The following ETNK2 variants were observed in gnomAD, a reference collection of about 807,000 sequenced individuals.
The protein encoded by ETNK2 is ethanolamine kinase-like protein.
A neutral mutation model predicts 46.2 loss-of-function variants in ETNK2; 33 were observed. That is an observed-to-expected ratio of 0.71 (90% CI 0.54 to 0.96). ETNK2 has a LOEUF of 0.96. Ranked by LOEUF, ETNK2 falls within the 40% of genes least tolerant of loss-of-function variation. The pLI, the probability that ETNK2 is intolerant of heterozygous loss-of-function variation, is 0.00. For missense variants in ETNK2, 445 were observed against 509.7 expected (o/e 0.87, Z 1.22); for synonymous variants, 194 against 209.0 (o/e 0.93, Z 0.62).
At position 204,140,237 on chromosome 1, in the gene ETNK2, C is replaced by A. The variant is rs1321025540; in HGVS notation, c.785-119G>T. The A allele has an allele frequency of 8.3e-6, 6 of 725,284 alleles. No individual in the cohort carries two copies. The South Asian group carries it at 9.2e-5, about 11-fold the overall frequency. The allele number at this position is 725,284 out of a possible 1,614,324, so 44.9% of individuals were successfully genotyped here. On this transcript the variant is annotated intron_variant, in intron 4 of 7. Transcript: ENST00000367202. Reference sequence around the variant, plus strand: ...GAGTGATGCCGGCCTCTGCAGCAACCCTGCCCAATCCCATCACTGCAGCAG... The same window carrying A: ...GAGTGATGCCGGCCTCTGCAGCAACACTGCCCAATCCCATCACTGCAGCAG...
intron 1 of ETNK2, among the ~76,000 whole-genome samples, chr1:204,150,730 C>A (rs533303470): frequency 6.6e-6 from 1 of 152,290 alleles, no homozygotes; most frequent in East Asian, 1.9e-4. Flanking sequence ...GATGCCTTGA[C>A]AGTCTTATAC....
At chr1:204,140,999 T>A (rs1165264949) in intron 4 of ETNK2, 5 of 384,992 alleles carry the variant, frequency 1.3e-5, no homozygotes, top group Non-Finnish European at 2.0e-5. Flanking sequence ...GTTTTGTGTA[T>A]TTTTTTTGTA....
chr1:204,139,394 G>T (rs1657411193), intron 5 of ETNK2, among the ~76,000 whole-genome samples: 1 of 152,204 alleles, frequency 6.6e-6, no homozygotes. Context: ...GGAGGAAGGG[G>T]TCTTTTTCTA....
intron 2 of ETNK2, 157 bp from the exon 3 acceptor site, chr1:204,146,921 T>C (rs777728553): frequency 3.5e-5 from 31 of 877,136 alleles, no homozygotes; most frequent in Non-Finnish European, 5.3e-5. Flanking sequence ...GCACAGGTCC[T>C]GCAGAAGGAA....
At chr1:204,137,848 C>A (rs1657349991) in intron 5 of ETNK2, among the ~76,000 whole-genome samples, 1 of 152,124 alleles carries the variant, frequency 6.6e-6, no homozygotes, top group Non-Finnish European at 1.5e-5. Context: ...GCTGGGAACC[C>A]ATGGATCAGA....
intron 4 of ETNK2, 144 bp from the exon 5 acceptor site, chr1:204,140,262 G>T (rs1657451364): frequency 3.1e-6 from 2 of 636,772 alleles, no homozygotes; most frequent in South Asian, 1.8e-5. Context: ...CACTGCAGCA[G>T]TCTTCCAAGC....
At chr1:204,145,198 T>C (rs1657733802) in intron 3 of ETNK2, among the ~76,000 whole-genome samples, 1 of 152,166 alleles carries the variant, frequency 6.6e-6, no homozygotes, top group Non-Finnish European at 1.5e-5. Flanking sequence ...GCAACTTGGT[T>C]TGTCCAAGGT....
Position 204,151,210 on chromosome 1 carries a change from C to CGG in ETNK2, c.258+383_258+384dup. On this transcript the variant is annotated intron_variant, in intron 1 of 7. Coordinates refer to ENST00000367202, the MANE Select transcript of ETNK2 (RefSeq NM_018208.4). This position sits in a 1 kb window ranked among gnomAD's most constrained non-coding sequence, Gnocchi z 8.0. The stretch of plus-strand genomic sequence containing the variant: ...GCAATGTATGCATGTATGGCTGGGT[C>CGG]GGGGGGGCGGGGGGTCTCTTAAAAG... 4.2e-6 allele frequency: 1 copy of CGG among 240,538 alleles called. No individual in the cohort carries two copies. The highest frequency in any genetic ancestry group is 7.0e-6 in the Non-Finnish European group (1 of 143,776). 14.9% of individuals were successfully genotyped at this position (240,538 alleles called of 1,614,324 possible).
intron 6 of ETNK2, 178 bp from the exon 7 acceptor site, chr1:204,134,766 T>G: frequency 7.0e-7 from 1 of 1,418,666 alleles, no homozygotes; most frequent in Non-Finnish European, 9.7e-7. Context: ...CTGCACAGCA[T>G]TTGGCGCCTC....
intron 3 of ETNK2, chr1:204,143,010 C>T (rs4951308): frequency 0.88 from 133,014 of 151,886 alleles, 58,302 homozygotes; most frequent in East Asian, 0.92. Flanking sequence ...CCAAATCGAA[C>T]GGAGTCTCCT....
chr1:204,146,620 G>A (rs1302990985), intron 3 of ETNK2, 22 bp downstream of exon 3: 3 of 1,613,546 alleles, frequency 1.9e-6, no homozygotes, highest in African/African-American at 2.7e-5. Flanking sequence ...AGGCAGCCTT[G>A]GACCCTCCCA....
chr1:204,134,781 C>A lies in ETNK2; in HGVS notation c.1015-193G>T, dbSNP rs1007490622. On this transcript the variant is annotated intron_variant, in intron 6 of 7. Coordinates refer to ENST00000367202, the MANE Select transcript of ETNK2 (RefSeq NM_018208.4). Reference sequence around the variant, plus strand: ...CTGCACAGCATTTGGCGCCTCCACTCCTGCTAGAGAAAGGTGGGCAGAGCT... The same window carrying A: ...CTGCACAGCATTTGGCGCCTCCACTACTGCTAGAGAAAGGTGGGCAGAGCT... 9.9e-5 allele frequency: 127 copies of A among 1,285,264 alleles called. No homozygotes were observed. In the East Asian group the frequency reaches 2.9e-3, roughly 29 times the overall value. The allele number at this position is 1,285,264 out of a possible 1,614,324, so 79.6% of individuals were successfully genotyped here.
rs183531867 is a variant in ETNK2, at chr1:204,149,482, T to C, written c.518+221A>G. 2.9e-4 allele frequency among the ~76,000 whole-genome samples: 44 copies of C among 152,334 alleles called. 1 individual carries two copies. In the East Asian group the frequency reaches 8.3e-3, roughly 29 times the overall value. On this transcript the variant is annotated intron_variant, in intron 2 of 7. Coordinates refer to ENST00000367202, the MANE Select transcript of ETNK2 (RefSeq NM_018208.4). ...GGGAACCAGGTCCTCTGCTCCCATG[T>C]TCATCACAATTCTTCCTTTCCTCCC...
At position 204,141,412 on chromosome 1, in the gene ETNK2, C is replaced by T. The variant is rs1342232867; in HGVS notation, c.687G>A (p.Leu229=). 4.3e-6 allele frequency: 7 copies of T among 1,611,948 alleles called. No homozygotes were observed. The East Asian group carries it at 1.6e-4, about 36-fold the overall frequency. Residue 229 remains leucine (L), a synonymous_variant, in exon 4 of 8, where the codon CTG becomes CTA. Transcript: ENST00000367202. ...VPKVEVLERE[L]AWLKEHLSQL... ...GGGACAGATGCTCCTTCAGCCAGGC[C>T]AGCTCCCGTTCCAACACCTCTACCT...
At position 204,151,658 on chromosome 1, in the gene ETNK2, G is replaced by A. The variant is rs1658009034; in HGVS notation, c.195C>T (p.Pro65=). Residue 65 remains proline (P), a synonymous_variant, in exon 1 of 8, where the codon CCC becomes CCT. Coordinates refer to ENST00000367202, the MANE Select transcript of ETNK2 (RefSeq NM_018208.4). This position sits in a 1 kb window ranked among gnomAD's most constrained non-coding sequence, Gnocchi z 8.0. ...GCTCCTGGATGAGGCGCAGGGCCCC[G>A]GGAAGGATGTCGTCCGGGTCCACGG... ...GISVDPDDIL[P]GALRLIQELR... is the part of the protein sequence containing the mutation. 3 of 1,549,186 alleles carry A rather than the reference G, an allele frequency of 1.9e-6. No individual in the cohort carries two copies. Among genetic ancestry groups the A allele is most frequent in the African/African-American group, 1.4e-5 (1 of 72,964 alleles).
chr1:204,143,296 C>T (rs1379681429), intron 3 of ETNK2, among the ~76,000 whole-genome samples: 1 of 151,920 alleles, frequency 6.6e-6, no homozygotes, highest in East Asian at 1.9e-4. Context: ...TTGCTCAGGT[C>T]CCGGCCTGAA....
chr1:204,151,295 C>A lies in ETNK2; in HGVS notation c.258+300G>T. 1.9e-6 allele frequency: 1 copy of A among 518,944 alleles called. No individual in the cohort carries two copies. The highest frequency in any genetic ancestry group is 3.8e-5 in the Admixed American group (1 of 26,170). 32.1% of individuals were successfully genotyped at this position (518,944 alleles called of 1,614,324 possible). A position where few individuals can be genotyped will look rare whatever the true frequency, so the allele number is the denominator to read the frequency against. ...ACGCGCTTCTGGTCAGCGAGGGGCACCAGCACGCAGCGACAGGGGGTGCGG... is the reference window on the plus strand; with the variant it reads ...ACGCGCTTCTGGTCAGCGAGGGGCAACAGCACGCAGCGACAGGGGGTGCGG... On this transcript the variant is annotated intron_variant, in intron 1 of 7. Coordinates refer to ENST00000367202, the MANE Select transcript of ETNK2 (RefSeq NM_018208.4). This position sits in a 1 kb window ranked among gnomAD's most constrained non-coding sequence, Gnocchi z 8.0.
intron 2 of ETNK2, 187 bp from the exon 3 acceptor site, chr1:204,146,951 A>G (rs1327399196): frequency 1.7e-5 from 13 of 760,288 alleles, no homozygotes; most frequent in Non-Finnish European, 2.8e-5. Flanking sequence ...AGAAGAGAGG[A>G]GAATGAATTA....
intron 5 of ETNK2, 124 bp downstream of exon 5, chr1:204,139,910 CA>C (rs1479014806): frequency 1.3e-6 from 1 of 747,612 alleles, no homozygotes; most frequent in Non-Finnish European, 2.3e-6. Context: ...AGAAAAGGTA[CA>C]GTAAAAATAT....
Sources: allele counts gnomAD v4.1 joint callset (sites outside exome capture counted in the v4.1 genomes callset), GRCh38; gene constraint gnomAD v4.1.1; non-coding constraint Gnocchi (gnomAD v3.1); transcripts MANE v1.5; gene names NCBI Gene and HGNC (gene_info 2026-07-23, HGNC 2026-07-21).